The following TMTC1 variants were observed in gnomAD, a reference collection of about 807,000 sequenced individuals.
TMTC1 encodes protein O-mannosyl-transferase TMTC1.
A neutral mutation model predicts 104.8 loss-of-function variants in TMTC1; 73 were observed. The observed-to-expected ratio is 0.70, with a 90% CI of 0.58 to 0.85. The LOEUF (loss-of-function observed/expected upper bound fraction) is 0.85. TMTC1 is among the 40% of genes least tolerant of loss of function. TMTC1 has a pLI of 0.00. For synonymous variants in TMTC1, 434 were observed against 428.7 expected (o/e 1.01, Z -0.15); for missense variants, 1,035 against 1,096.1 (o/e 0.94, Z 0.79).
Position 29,569,053 on chromosome 12 carries a change from G to C in TMTC1, c.1532+3052C>G, listed in dbSNP as rs150307186. On this transcript the variant is annotated intron_variant, in intron 9 of 17. Transcript: ENST00000539277. ...AAAGCTAACACTTGATGTTTGTTGA[G>C]GATTTAAGAAAAGGGTTTTGACATT... 8.0e-3 allele frequency: 3,606 copies of C among 449,042 alleles called. 75 individuals are homozygous for C. The highest frequency in any genetic ancestry group is 0.041 in the Admixed American group (1,730 of 41,832). 27.8% of individuals were successfully genotyped at this position (449,042 alleles called of 1,614,324 possible).
chr12:29,599,984 G>GTATA (rs1298656974), intron 7 of TMTC1, among the ~76,000 whole-genome samples: 1 of 123,632 alleles, frequency 8.1e-6, no homozygotes, highest in African/African-American at 4.2e-5. Context: ...GTGTGTGTGT[G>GTATA]TGTATATACA....
intron 1 of TMTC1, among the ~76,000 whole-genome samples, chr12:29,769,181 C>G (rs1265346075): frequency 3.3e-5 from 5 of 152,310 alleles, no homozygotes; most frequent in Admixed American, 3.3e-4. Context: ...TCATGCACAG[C>G]TTTAACCTAC....
chr12:29,716,342 C>G (rs1193464983), intron 5 of TMTC1, among the ~76,000 whole-genome samples: 3 of 152,038 alleles, frequency 2.0e-5, no homozygotes, highest in African/African-American at 7.2e-5. Flanking sequence ...TTTTGAACTT[C>G]CATTTTACAG....
Position 29,633,255 on chromosome 12 carries a change from G to T in TMTC1, c.1020C>A (p.Val340=). 3 of 1,613,922 alleles carry T rather than the reference G, an allele frequency of 1.9e-6. No homozygotes were observed. The highest frequency in any genetic ancestry group is 8.5e-7 in the Non-Finnish European group (1 of 1,179,972). ...TGGTCTCTACCAGAGGAATACTGCC[G>T]ACCTGCCAGTCATAGCACAGGGTCA... ...APVTLCYDWQ[V]GSIPLVETIW... Residue 340 remains valine (V), a synonymous_variant, in exon 6 of 18, where the codon GTC becomes GTA. Coordinates refer to ENST00000539277, the MANE Select transcript of TMTC1 (RefSeq NM_001193451.2).
chr12:29,599,926 A>ATG (rs1318885564), intron 7 of TMTC1, among the ~76,000 whole-genome samples: 1 of 147,050 alleles, frequency 6.8e-6, no homozygotes, highest in African/African-American at 2.6e-5. Flanking sequence ...GTGTATATAT[A>ATG]TGTGTATATA....
chr12:29,517,857 G>A (rs1308982001), intron 13 of TMTC1, among the ~76,000 whole-genome samples: 1 of 152,106 alleles, frequency 6.6e-6, no homozygotes, highest in Non-Finnish European at 1.5e-5. Context: ...AGGGATTACA[G>A]GTGCCCGCCA....
intron 2 of TMTC1, among the ~76,000 whole-genome samples, chr12:29,765,117 A>C (rs898913117): frequency 1.3e-5 from 2 of 152,182 alleles, no homozygotes; most frequent in Non-Finnish European, 2.9e-5. Context: ...CATATTCTAT[A>C]TGTCTAGTAG....
intron 7 of TMTC1, among the ~76,000 whole-genome samples, chr12:29,587,984 G>A (rs1946184567): frequency 6.6e-6 from 1 of 152,182 alleles, no homozygotes; most frequent in Admixed American, 6.5e-5. Context: ...ACAAGAGAGA[G>A]GCATTTGAGG....
intron 10 of TMTC1, among the ~76,000 whole-genome samples, chr12:29,553,370 A>T (rs563823982): frequency 6.6e-6 from 1 of 152,242 alleles, no homozygotes; most frequent in Non-Finnish European, 1.5e-5. Flanking sequence ...TGTAAACTGG[A>T]AAGCTTTTCA....
intron 5 of TMTC1, among the ~76,000 whole-genome samples, chr12:29,685,788 T>G (rs897138908): frequency 2.0e-5 from 3 of 152,080 alleles, no homozygotes; most frequent in Non-Finnish European, 4.4e-5. Context: ...AAGATTAAAA[T>G]AAATCAAATT....
At chr12:29,653,746 A>AG (rs937915906) in intron 5 of TMTC1, among the ~76,000 whole-genome samples, 6 of 152,216 alleles carry the variant, frequency 3.9e-5, no homozygotes, top group African/African-American at 9.6e-5. Flanking sequence ...CCTTCTCACC[A>AG]GTGTATCCTG....
chr12:29,517,330 G>T, intron 14 of TMTC1, 97 bp downstream of exon 14: 3 of 1,350,782 alleles, frequency 2.2e-6, no homozygotes, highest in South Asian at 2.7e-5. Flanking sequence ...GATATATTAC[G>T]GCATTCCAGC....
In TMTC1 at chr12:29,572,086, C is replaced by T. The variant is rs747104565; in HGVS notation, c.1532+19G>A. 1.1e-5 allele frequency: 17 copies of T among 1,596,162 alleles called. No individual in the cohort carries two copies. The highest frequency in any genetic ancestry group is 1.3e-5 in the Non-Finnish European group (15 of 1,163,960). On this transcript the variant is annotated intron_variant, in intron 9 of 17. Transcript: ENST00000539277. ...TCTTTAAAGCACCAAGGCCAACACCCTCCCTGTGTGGCGCTTACTTGAGAG... is the reference window on the plus strand; with the variant it reads ...TCTTTAAAGCACCAAGGCCAACACCTTCCCTGTGTGGCGCTTACTTGAGAG...
intron 5 of TMTC1, among the ~76,000 whole-genome samples, chr12:29,718,293 G>GC (rs1426812257): frequency 6.6e-6 from 1 of 152,186 alleles, no homozygotes; most frequent in African/African-American, 2.4e-5. Flanking sequence ...GGGACAGCTG[G>GC]CACCACTGTG....
At chr12:29,710,975 A>T (rs1445014790) in intron 5 of TMTC1, among the ~76,000 whole-genome samples, 1 of 54,908 alleles carries the variant, frequency 1.8e-5, no homozygotes, top group African/African-American at 4.4e-5. Flanking sequence ...AATAATATAT[A>T]AATATATATA....
intron 5 of TMTC1, among the ~76,000 whole-genome samples, chr12:29,656,556 T>C (rs1350306617): frequency 6.6e-6 from 1 of 151,936 alleles, no homozygotes; most frequent in Non-Finnish European, 1.5e-5. Context: ...GTTTTCACCA[T>C]GTTGGCCAGG....
chr12:29,600,544 T>A (rs1946536990), intron 7 of TMTC1, among the ~76,000 whole-genome samples: 1 of 152,146 alleles, frequency 6.6e-6, no homozygotes, highest in African/African-American at 2.4e-5. Flanking sequence ...CCCTTGCAGT[T>A]TTAGTTACAA....
rs1451758869 is a variant in TMTC1, at chr12:29,585,216, T to C, written c.1251-1642A>G. Among the ~76,000 whole-genome samples, 18 of 152,176 alleles carry C rather than the reference T, an allele frequency of 1.2e-4. 2 individuals carry two copies. Among genetic ancestry groups the C allele is most frequent in the African/African-American group, 4.3e-4 (18 of 41,548 alleles). On this transcript the variant is annotated intron_variant, in intron 7 of 17. Coordinates refer to ENST00000539277, the MANE Select transcript of TMTC1 (RefSeq NM_001193451.2). The stretch of plus-strand genomic sequence containing the variant: ...TGATGATGAGCATTTTTTCATGTGT[T>C]TTTTGGCTGCATAAATGTCTTCTTT...
intron 5 of TMTC1, 21 bp from the exon 6 acceptor site, chr12:29,633,357 A>G: frequency 6.4e-7 from 1 of 1,570,814 alleles, no homozygotes; most frequent in Non-Finnish European, 8.7e-7. Context: ...AAGAAGAATC[A>G]CTGAAACACT....
Sources: allele counts gnomAD v4.1 joint callset (sites outside exome capture counted in the v4.1 genomes callset), GRCh38; gene constraint gnomAD v4.1.1; transcripts MANE v1.5; gene names NCBI Gene and HGNC (gene_info 2026-07-23, HGNC 2026-07-21).